Variants in VPS8 observed in about 807,000 individuals in gnomAD.
The protein encoded by VPS8 is vacuolar protein sorting-associated protein 8 homolog.
Under a neutral mutation model 216.4 loss-of-function variants are expected in VPS8, and 129 were observed. The ratio of observed to expected loss-of-function variants is 0.60; its 90% CI spans 0.52 to 0.69. The LOEUF (loss-of-function observed/expected upper bound fraction) is 0.69. Ranked by LOEUF, VPS8 falls within the 30% of genes least tolerant of loss-of-function variation. VPS8 has a pLI of 0.00. For synonymous variants in VPS8, 571 were observed against 565.4 expected (o/e 1.01, Z -0.14); for missense variants, 1,531 against 1,683.5 (o/e 0.91, Z 1.59).
rs537688339 is a variant in VPS8, at chr3:184,867,925, T to G, written c.1471-99T>G. The G allele has an allele frequency of 2.8e-4, 350 of 1,240,550 alleles. 5 individuals are homozygous for G. In the South Asian group the frequency reaches 4.6e-3, roughly 16 times the overall value. The allele number at this position is 1,240,550 out of a possible 1,614,324, so 76.8% of individuals were successfully genotyped here. A position where few individuals can be genotyped will look rare whatever the true frequency, so the allele number is the denominator to read the frequency against. On this transcript the variant is annotated intron_variant, in intron 17 of 47. Transcript: ENST00000625842. Reference sequence around the variant, plus strand: ...TAACTGTAGTATGAAATGTTTTACTTAAAGGGATATCAAATGAGATGTGGG... The same window carrying G: ...TAACTGTAGTATGAAATGTTTTACTGAAAGGGATATCAAATGAGATGTGGG...
chr3:184,860,151 C>A, intron 15 of VPS8, 86 bp downstream of exon 15: 2 of 1,138,924 alleles, frequency 1.8e-6, no homozygotes, highest in Non-Finnish European at 2.6e-6. Flanking sequence ...AGGATTTCTG[C>A]CAAGAATTAT....
Position 185,048,570 on chromosome 3 carries a change from C to A in VPS8, c.4137+11C>A. 6.2e-7 allele frequency: 1 copy of A among 1,613,222 alleles called. No individual in the cohort carries two copies. Among genetic ancestry groups the A allele is most frequent in the South Asian group, 1.1e-5 (1 of 91,016 alleles). On this transcript the variant is annotated intron_variant, in intron 47 of 47. Coordinates refer to ENST00000625842, the MANE Select transcript of VPS8 (RefSeq NM_001009921.3). ...CGAGGAAGCTCCAGGGTAATGTTTGCGTGGTTGTTTATATTTTTATTTCCC... is the reference window on the plus strand; with the variant it reads ...CGAGGAAGCTCCAGGGTAATGTTTGAGTGGTTGTTTATATTTTTATTTCCC...
At chr3:184,914,119 G>C (rs1165722565) in intron 26 of VPS8, among the ~76,000 whole-genome samples, 5 of 152,198 alleles carry the variant, frequency 3.3e-5, no homozygotes, top group Admixed American at 2.0e-4. Context: ...CTTTTCGGTA[G>C]ATGACTATTT....
At chr3:184,945,496 T>C (rs1743515571) in intron 36 of VPS8, among the ~76,000 whole-genome samples, 1 of 152,140 alleles carries the variant, frequency 6.6e-6, no homozygotes, top group African/African-American at 2.4e-5. Flanking sequence ...GATCAAGTTT[T>C]CACTTTCCTT....
At chr3:185,040,391 C>T (rs893535689) in intron 46 of VPS8, among the ~76,000 whole-genome samples, 4 of 152,158 alleles carry the variant, frequency 2.6e-5, no homozygotes, top group African/African-American at 7.2e-5. Context: ...GTAGGTGATG[C>T]CAATTGATCC....
intron 45 of VPS8, among the ~76,000 whole-genome samples, chr3:185,014,127 A>G (rs1755437997): frequency 6.6e-6 from 1 of 152,242 alleles, no homozygotes; most frequent in Admixed American, 6.5e-5. Context: ...CCCAATAAGT[A>G]TAATTGTTCT....
chr3:184,934,325 C>T (rs1022911792), intron 34 of VPS8, among the ~76,000 whole-genome samples: 2 of 152,084 alleles, frequency 1.3e-5, no homozygotes, highest in African/African-American at 4.8e-5. Context: ...ATATGGCCAC[C>T]ACGCACAGCT....
intron 36 of VPS8, among the ~76,000 whole-genome samples, chr3:184,949,058 C>T (rs917161549): frequency 2.6e-5 from 4 of 151,982 alleles, no homozygotes; most frequent in Admixed American, 2.0e-4. Flanking sequence ...GTAACCTCAC[C>T]ACTTTAGGAG....
chr3:184,885,852 G>A (rs1731121469), intron 21 of VPS8: 1 of 320,462 alleles, frequency 3.1e-6, no homozygotes, highest in Non-Finnish European at 5.7e-6. Context: ...CTGTTAGAAA[G>A]ATGCAGTGAA....
intron 3 of VPS8, among the ~76,000 whole-genome samples, chr3:184,831,508 G>A (rs1719978193): frequency 6.6e-6 from 1 of 152,250 alleles, no homozygotes; most frequent in South Asian, 2.1e-4. Flanking sequence ...TGAAAGAGAC[G>A]GTGAGACATT....
At chr3:184,829,490 A>G (rs1719537683) in intron 3 of VPS8, among the ~76,000 whole-genome samples, 1 of 152,196 alleles carries the variant, frequency 6.6e-6, no homozygotes, top group African/African-American at 2.4e-5. Context: ...TGCTGGTATT[A>G]CAGGCATGAG....
intron 45 of VPS8, among the ~76,000 whole-genome samples, chr3:185,020,775 T>G (rs1561153225): frequency 1.3e-5 from 2 of 152,190 alleles, no homozygotes; most frequent in Non-Finnish European, 1.5e-5. Context: ...AGCCCTATTT[T>G]AACAACAACA....
intron 1 of VPS8, among the ~76,000 whole-genome samples, chr3:184,819,217 T>C (rs1366547076): frequency 3.3e-5 from 5 of 152,058 alleles, no homozygotes; most frequent in African/African-American, 1.2e-4. Context: ...TCTGAACTAT[T>C]AAAATACTCA....
At chr3:184,814,788 G>T (rs990069347) in intron 1 of VPS8, among the ~76,000 whole-genome samples, 5 of 152,018 alleles carry the variant, frequency 3.3e-5, no homozygotes, top group African/African-American at 1.2e-4. Context: ...AGGCTACACT[G>T]AATTTATTAA....
At chr3:184,846,677 C>T (rs576208761) in intron 8 of VPS8, among the ~76,000 whole-genome samples, 3 of 152,354 alleles carry the variant, frequency 2.0e-5, no homozygotes, top group Non-Finnish European at 2.9e-5. Context: ...GGAAGGCAAG[C>T]GGTCCAAACT....
intron 47 of VPS8, among the ~76,000 whole-genome samples, chr3:185,051,375 G>T (rs1714201982): frequency 6.6e-6 from 1 of 152,158 alleles, no homozygotes. Flanking sequence ...GCAGCTGGGT[G>T]TCTGTTTGAG....
At chr3:184,955,388 T>C (rs1745404132) in intron 36 of VPS8, among the ~76,000 whole-genome samples, 1 of 152,188 alleles carries the variant, frequency 6.6e-6, no homozygotes, top group African/African-American at 2.4e-5. Flanking sequence ...ATATGCTGCC[T>C]TCTCTATCTC....
intron 39 of VPS8, among the ~76,000 whole-genome samples, chr3:184,971,335 G>A (rs1284499885): frequency 6.6e-6 from 1 of 152,168 alleles, no homozygotes; most frequent in Non-Finnish European, 1.5e-5. Flanking sequence ...TACCAAGAAA[G>A]GTGAATGATA....
intron 42 of VPS8, among the ~76,000 whole-genome samples, chr3:184,985,657 G>T (rs1375524538): frequency 6.6e-6 from 1 of 152,156 alleles, no homozygotes. Context: ...ATTGACTCGG[G>T]GTGAGCAAAT....
Sources: allele counts gnomAD v4.1 joint callset (sites outside exome capture counted in the v4.1 genomes callset), GRCh38; gene constraint gnomAD v4.1.1; transcripts MANE v1.5; gene names NCBI Gene and HGNC (gene_info 2026-07-23, HGNC 2026-07-21).